Variants in HDAC4 observed in about 807,000 individuals in gnomAD.
HDAC4 encodes histone deacetylase A.
A neutral mutation model predicts 135.1 loss-of-function variants in HDAC4; 16 were observed. The observed-to-expected ratio is 0.12, with a 90% CI of 0.08 to 0.18. The LOEUF (loss-of-function observed/expected upper bound fraction) is 0.18, where lower values mean the gene tolerates loss of function less well. Among genes scored for constraint, HDAC4 ranks in the 10% least tolerant of loss-of-function variants. The probability of loss-of-function intolerance (pLI) is 1.00; values close to 1 mark genes in which losing one functional copy is unlikely to be tolerated. For missense variants in HDAC4, 1,143 were observed against 1,511.8 expected (o/e 0.76, Z 4.05); for synonymous variants, 685 against 653.4 (o/e 1.05, Z -0.74).
chr2:239,108,023 C>T (rs771424278), intron 15 of HDAC4, 27 bp downstream of exon 15: 3 of 1,610,120 alleles, frequency 1.9e-6, no homozygotes, highest in Non-Finnish European at 2.5e-6. Context: ...AAAGCCGCAG[C>T]TGCCCACCTG....
At chr2:239,315,308 G>C (rs1284565612) in intron 2 of HDAC4, among the ~76,000 whole-genome samples, 5 of 152,164 alleles carry the variant, frequency 3.3e-5, no homozygotes, top group Non-Finnish European at 7.3e-5. Context: ...TCTTGAGGCT[G>C]TGTCACAGGC....
rs61754650 is a variant in HDAC4 at position 239,236,649 on chromosome 2, C to T, written c.38G>A (p.Arg13Gln). 155 of 1,551,672 alleles carry T rather than the reference C, an allele frequency of 1.0e-4. No homozygotes were observed. The highest frequency in any genetic ancestry group is 6.7e-4 in the African/African-American group (49 of 73,154). ...ATTCAGCAGCTCCACTGGCTGGTCT[C>T]GGCCAGAAAGTCCATCTGGAGAACA... ...SQSHPDGLSGRDQPVELLNPA... is the reference protein window; with the variant it reads ...SQSHPDGLSGQDQPVELLNPA... The change falls in exon 3 of 27, where the codon CGA becomes CAA. Residue 13 changes from arginine to glutamine, a missense_variant. This residue lies in a region of HDAC4 where 247 missense variants were observed against 310.0 expected (regional missense o/e 0.80). Coordinates refer to ENST00000543185, the MANE Select transcript of HDAC4 (RefSeq NM_001378414.1).
At chr2:239,218,359 C>A (rs1307647959) in intron 3 of HDAC4, among the ~76,000 whole-genome samples, 1 of 151,448 alleles carries the variant, frequency 6.6e-6, no homozygotes, top group East Asian at 1.9e-4. Context: ...GAAAAACAAG[C>A]AATGGGGAAA....
At chr2:239,279,315 G>C (rs1286162069) in intron 2 of HDAC4, among the ~76,000 whole-genome samples, 1 of 152,234 alleles carries the variant, frequency 6.6e-6, no homozygotes, top group Non-Finnish European at 1.5e-5. Context: ...ACTCATTAGA[G>C]GGATCAATGA....
At chr2:239,199,736 C>CT (rs35353470) in intron 3 of HDAC4, among the ~76,000 whole-genome samples, 4,846 of 139,032 alleles carry the variant, frequency 0.035, 274 homozygotes, top group African/African-American at 0.12. Context: ...CTGTACATTT[C>CT]TTTTTTTTTT....
At chr2:239,229,193 G>A (rs1489071009) in intron 3 of HDAC4, among the ~76,000 whole-genome samples, 1 of 152,114 alleles carries the variant, frequency 6.6e-6, no homozygotes, top group Admixed American at 6.5e-5. Context: ...TAAAGTAATG[G>A]GGCCAATTCG....
chr2:239,088,136 C>G (rs965058876), intron 18 of HDAC4, among the ~76,000 whole-genome samples: 1 of 152,280 alleles, frequency 6.6e-6, no homozygotes, highest in South Asian at 2.1e-4. Flanking sequence ...GGGCAGCCCA[C>G]GAAACAGCTC....
intron 3 of HDAC4, among the ~76,000 whole-genome samples, chr2:239,219,939 C>A (rs906850502): frequency 1.3e-5 from 2 of 152,232 alleles, no homozygotes; most frequent in Non-Finnish European, 2.9e-5. Context: ...TGTACACTCA[C>A]GGCAGAGCAA....
intron 11 of HDAC4, among the ~76,000 whole-genome samples, chr2:239,131,769 G>T (rs1347897993): frequency 6.6e-6 from 1 of 152,254 alleles, no homozygotes; most frequent in Non-Finnish European, 1.5e-5. Flanking sequence ...ACATTCAGGG[G>T]ACAGCCGTGG....
At chr2:239,316,279 A>C (rs2053111134) in intron 2 of HDAC4, among the ~76,000 whole-genome samples, 1 of 152,218 alleles carries the variant, frequency 6.6e-6, no homozygotes, top group Non-Finnish European at 1.5e-5. Context: ...TTTTGATAGA[A>C]ATCACTCCAT....
At chr2:239,291,126 A>C (rs1335543504) in intron 2 of HDAC4, among the ~76,000 whole-genome samples, 3 of 152,254 alleles carry the variant, frequency 2.0e-5, no homozygotes, top group Admixed American at 6.5e-5. Flanking sequence ...CCAAGTTCCC[A>C]ACAAAGAAAA....
intron 1 of HDAC4, among the ~76,000 whole-genome samples, chr2:239,372,529 G>A (rs1473238012): frequency 6.6e-6 from 1 of 152,186 alleles, no homozygotes; most frequent in African/African-American, 2.4e-5. Flanking sequence ...TTCTGTGAGT[G>A]CCCAAAGACT....
Position 239,313,942 on chromosome 2 carries a change from G to A in HDAC4, c.22+38736C>T, listed in dbSNP as rs765325102. Among the ~76,000 whole-genome samples the A allele has an allele frequency of 6.6e-6, 1 of 152,314 alleles. No homozygotes were observed. Among genetic ancestry groups the A allele is most frequent in the East Asian group, 1.9e-4 (1 of 5,174 alleles). On this transcript the variant is annotated intron_variant, in intron 2 of 26. Transcript: ENST00000543185. This position sits in a 1 kb window ranked among gnomAD's most constrained non-coding sequence, Gnocchi z 5.1. Reference sequence around the variant, plus strand: ...TGAGTGTGCGTGGGGAGGGGCTGTAGTTCCCTTGGCAGGGGAAGCCAGAAG... The same window carrying A: ...TGAGTGTGCGTGGGGAGGGGCTGTAATTCCCTTGGCAGGGGAAGCCAGAAG...
At chr2:239,338,024 C>T (rs373865719) in intron 2 of HDAC4, among the ~76,000 whole-genome samples, 17 of 152,248 alleles carry the variant, frequency 1.1e-4, no homozygotes, top group Middle Eastern at 3.4e-3. Context: ...CCCAGCACAC[C>T]GAAAGCCAGG....
At chr2:239,254,911 T>C (rs1284207412) in intron 2 of HDAC4, among the ~76,000 whole-genome samples, 1 of 152,228 alleles carries the variant, frequency 6.6e-6, no homozygotes, top group Non-Finnish European at 1.5e-5. Context: ...AGTTAGATGA[T>C]CTAAGAACAT....
chr2:239,260,822 A>G (rs1006165031), intron 2 of HDAC4, among the ~76,000 whole-genome samples: 2 of 152,136 alleles, frequency 1.3e-5, no homozygotes, highest in African/African-American at 4.8e-5. Flanking sequence ...CTCACATTGC[A>G]TTGTGCAAAT....
chr2:239,390,579 C>T (rs1696132079), intron 1 of HDAC4, among the ~76,000 whole-genome samples: 1 of 152,002 alleles, frequency 6.6e-6, no homozygotes, highest in Non-Finnish European at 1.5e-5. Flanking sequence ...ATATTGGAAG[C>T]CACCCCCAAA....
rs111685977 is a variant in HDAC4 at position 239,086,583 on chromosome 2, C to T, written c.2444+976G>A. On this transcript the variant is annotated intron_variant, in intron 19 of 26. Transcript: ENST00000543185. The stretch of plus-strand genomic sequence containing the variant: ...GTGAAGGAGATTCTGCTCTAACACG[C>T]GGATCTGACTATCTCTCACGTCCTG... Among the ~76,000 whole-genome samples, 954 of 152,336 alleles carry T rather than the reference C, an allele frequency of 6.3e-3. 5 individuals carry two copies. The highest frequency in any genetic ancestry group is 7.6e-3 in the African/African-American group (314 of 41,574).
chr2:239,248,439 C>A (rs1193601713), intron 2 of HDAC4, among the ~76,000 whole-genome samples: 2 of 152,158 alleles, frequency 1.3e-5, no homozygotes, highest in African/African-American at 4.8e-5. Flanking sequence ...CTCAACCTCC[C>A]AAAGTGCTGG....
Sources: gnomAD v4.1 joint callset for allele counts (sites outside exome capture counted in the v4.1 genomes callset) on GRCh38, gnomAD v4.1.1 for gene constraint, gnomAD v4.1.1 regional missense constraint, Gnocchi (gnomAD v3.1) non-coding constraint, MANE v1.5 for transcripts, NCBI Gene and HGNC (gene_info 2026-07-23, HGNC 2026-07-21) for gene names.